The following OXR1 variants were observed in gnomAD, a reference collection of about 807,000 sequenced individuals.
The protein encoded by OXR1 is oxidation resistance 1, also known as oxidation resistance protein 1.
Under a neutral mutation model 104.6 loss-of-function variants are expected in OXR1, and 41 were observed. That is an observed-to-expected ratio of 0.39 (90% CI 0.31 to 0.51). The LOEUF (loss-of-function observed/expected upper bound fraction) is 0.51, where lower values mean the gene tolerates loss of function less well. Ranked by LOEUF, OXR1 falls within the 20% of genes least tolerant of loss-of-function variation. The probability of loss-of-function intolerance (pLI) is 0.77; values close to 1 mark genes in which losing one functional copy is unlikely to be tolerated. For synonymous variants in OXR1, 348 were observed against 348.4 expected (o/e 1.00, Z 0.01); for missense variants, 955 against 1,031.9 (o/e 0.93, Z 1.02).
At chr8:106,351,248 A>G (rs1815714838) in intron 1 of OXR1, among the ~76,000 whole-genome samples, 2 of 152,148 alleles carry the variant, frequency 1.3e-5, no homozygotes, top group African/African-American at 4.8e-5. Context: ...AAGTTTGCAA[A>G]GTCATTAAAA....
chr8:106,450,130 T>A (rs192190853), intron 2 of OXR1, among the ~76,000 whole-genome samples: 1 of 152,312 alleles, frequency 6.6e-6, no homozygotes, highest in East Asian at 1.9e-4. Flanking sequence ...AAGAGAATGA[T>A]CAATTCCTTG....
At chr8:106,657,318 TAA>T (rs10709844) in intron 3 of OXR1, among the ~76,000 whole-genome samples, 3,246 of 146,720 alleles carry the variant, frequency 0.022, 40 homozygotes, top group East Asian at 0.042. Flanking sequence ...TCCTTAAACA[TAA>T]AAAAAAAAAA....
At chr8:106,725,541 A>G (rs953903548) in intron 11 of OXR1, among the ~76,000 whole-genome samples, 2 of 152,246 alleles carry the variant, frequency 1.3e-5, no homozygotes, top group East Asian at 1.9e-4. Flanking sequence ...ATGTAGGCAT[A>G]GTGAATATAA....
At chr8:106,542,250 A>G (rs1815009654) in intron 3 of OXR1, among the ~76,000 whole-genome samples, 1 of 152,150 alleles carries the variant, frequency 6.6e-6, no homozygotes, top group African/African-American at 2.4e-5. Context: ...GATTACTATG[A>G]ATATCAAAAT....
intron 3 of OXR1, among the ~76,000 whole-genome samples, chr8:106,546,103 G>A (rs1211373749): frequency 2.0e-5 from 3 of 152,084 alleles, no homozygotes; most frequent in Non-Finnish European, 4.4e-5. Context: ...TGACTGTCAC[G>A]TGTCATTCGG....
chr8:106,361,482 C>G (rs1816242107), intron 2 of OXR1, among the ~76,000 whole-genome samples: 1 of 152,154 alleles, frequency 6.6e-6, no homozygotes. Context: ...TCCTCATTCT[C>G]CCACTTAGCA....
intron 2 of OXR1, among the ~76,000 whole-genome samples, chr8:106,486,029 G>T (rs1810631221): frequency 6.6e-6 from 1 of 151,978 alleles, no homozygotes; most frequent in Non-Finnish European, 1.5e-5. Flanking sequence ...GGAGGAGTAA[G>T]TTCAAGAGAT....
At chr8:106,584,581 GTA>G (rs1438641856) in intron 3 of OXR1, among the ~76,000 whole-genome samples, 27 of 152,222 alleles carry the variant, frequency 1.8e-4, no homozygotes, top group African/African-American at 6.5e-4. Context: ...AAGCTACGAA[GTA>G]AGAGTATGCC....
chr8:106,374,431 C>T (rs80269611), intron 2 of OXR1, among the ~76,000 whole-genome samples: 4,154 of 152,256 alleles, frequency 0.027, 60 homozygotes, highest in Non-Finnish European at 0.032. Context: ...TTGTTCAATA[C>T]CATCTAACTT....
intron 2 of OXR1, among the ~76,000 whole-genome samples, chr8:106,412,504 A>G (rs1285790406): frequency 6.6e-6 from 1 of 152,202 alleles, no homozygotes; most frequent in Non-Finnish European, 1.5e-5. Flanking sequence ...TTTGGGCTGT[A>G]AACAATTCCT....
chr8:106,668,701 C>G (rs936937634), intron 3 of OXR1, among the ~76,000 whole-genome samples: 3 of 152,096 alleles, frequency 2.0e-5, no homozygotes, highest in African/African-American at 7.2e-5. Context: ...GGCTTAGTAA[C>G]AATAATATAG....
intron 3 of OXR1, among the ~76,000 whole-genome samples, chr8:106,540,745 G>T (rs1386479892): frequency 6.6e-6 from 1 of 152,202 alleles, no homozygotes; most frequent in East Asian, 1.9e-4. Context: ...GCAAGGAGGA[G>T]CAAGTCACAG....
intron 7 of OXR1, among the ~76,000 whole-genome samples, chr8:106,697,267 A>G (rs1830135963): frequency 6.6e-6 from 1 of 152,200 alleles, no homozygotes; most frequent in African/African-American, 2.4e-5. Context: ...GAGGCTGCCA[A>G]CAGGCACCTC....
intron 2 of OXR1, among the ~76,000 whole-genome samples, chr8:106,397,948 T>C (rs1228821445): frequency 1.3e-5 from 2 of 152,112 alleles, no homozygotes; most frequent in Admixed American, 1.3e-4. Context: ...CTCTTTAAGC[T>C]CCTTTTCCTA....
At chr8:106,547,260 T>C (rs1815432723) in intron 3 of OXR1, among the ~76,000 whole-genome samples, 3 of 152,144 alleles carry the variant, frequency 2.0e-5, no homozygotes, top group Admixed American at 6.5e-5. Flanking sequence ...CTCCAGAACA[T>C]TTTCATCTTG....
intron 2 of OXR1, among the ~76,000 whole-genome samples, chr8:106,418,787 G>C (rs1419086843): frequency 6.6e-6 from 1 of 152,074 alleles, no homozygotes; most frequent in South Asian, 2.1e-4. Context: ...ATGTATGCAT[G>C]TGTGTATGTA....
At chr8:106,387,031 C>T (rs866531876) in intron 2 of OXR1, among the ~76,000 whole-genome samples, 1 of 152,104 alleles carries the variant, frequency 6.6e-6, no homozygotes, top group African/African-American at 2.4e-5. Flanking sequence ...AAATAAAAAA[C>T]TGGAAACAGA....
chr8:106,670,793 A>C (rs575739830), intron 3 of OXR1, among the ~76,000 whole-genome samples: 1 of 152,150 alleles, frequency 6.6e-6, no homozygotes, highest in Non-Finnish European at 1.5e-5. Flanking sequence ...GTACATATAC[A>C]TATGAATCCT....
intron 6 of OXR1, among the ~76,000 whole-genome samples, chr8:106,687,036 G>C (rs1053154428): frequency 6.6e-6 from 1 of 152,164 alleles, no homozygotes; most frequent in Non-Finnish European, 1.5e-5. Context: ...CTGGGTTTCT[G>C]TGTTTGTCCC....
Sources: allele counts gnomAD v4.1 joint callset (sites outside exome capture counted in the v4.1 genomes callset), GRCh38; gene constraint gnomAD v4.1.1; transcripts MANE v1.5; gene names NCBI Gene and HGNC (gene_info 2026-07-23, HGNC 2026-07-21).